The following PHACTR1 variants were observed in gnomAD, a reference collection of about 807,000 sequenced individuals.
PHACTR1 encodes the protein phosphatase and actin regulator 1, also known as RPEL repeat containing 1.
Under a neutral mutation model 69.2 loss-of-function variants are expected in PHACTR1, and 16 were observed. The ratio of observed to expected loss-of-function variants is 0.23; its 90% CI spans 0.16 to 0.35. The LOEUF (loss-of-function observed/expected upper bound fraction) is 0.35, where lower values mean the gene tolerates loss of function less well. Ranked by LOEUF, PHACTR1 falls within the 10% of genes least tolerant of loss-of-function variation. The probability of loss-of-function intolerance (pLI) is 1.00; values close to 1 mark genes in which losing one functional copy is unlikely to be tolerated. For missense variants in PHACTR1, 510 were observed against 734.7 expected (o/e 0.69, Z 3.54); for synonymous variants, 312 against 284.5 (o/e 1.10, Z -0.97).
At position 13,190,937 on chromosome 6, in the gene PHACTR1, A is replaced by G. The variant is rs1429998528; in HGVS notation, c.664+8251A>G. Reference sequence around the variant, plus strand: ...GCCCCAGCATGTGTACCTGTGTAACAAGAATCCTCTCTCCATGCTTGACCA... The same window carrying G: ...GCCCCAGCATGTGTACCTGTGTAACGAGAATCCTCTCTCCATGCTTGACCA... On this transcript the variant is annotated intron_variant, in intron 7 of 14. Coordinates refer to ENST00000332995, the MANE Select transcript of PHACTR1 (RefSeq NM_030948.6). Among the ~76,000 whole-genome samples the G allele has an allele frequency of 2.0e-5, 3 of 152,162 alleles. No homozygotes were observed. The East Asian group carries it at 5.8e-4, about 29-fold the overall frequency.
At chr6:13,082,686 C>T (rs1811587422) in intron 5 of PHACTR1, among the ~76,000 whole-genome samples, 1 of 152,188 alleles carries the variant, frequency 6.6e-6, no homozygotes. Context: ...ATTTGCATTT[C>T]TCTGATGGCC....
chr6:12,823,729 G>A (rs543025276), intron 4 of PHACTR1, among the ~76,000 whole-genome samples: 2 of 152,224 alleles, frequency 1.3e-5, no homozygotes, highest in South Asian at 4.2e-4. Context: ...TTGTCGGTTG[G>A]TCTGTTTTTA....
chr6:12,908,999 G>T (rs1199584843), intron 4 of PHACTR1, among the ~76,000 whole-genome samples: 1 of 152,152 alleles, frequency 6.6e-6, no homozygotes, highest in Non-Finnish European at 1.5e-5. Flanking sequence ...GGAGACGGTG[G>T]GGGGAAACAG....
chr6:13,001,700 C>T (rs1798113432), intron 4 of PHACTR1, among the ~76,000 whole-genome samples: 1 of 152,208 alleles, frequency 6.6e-6, no homozygotes, highest in South Asian at 2.1e-4. Context: ...TAGTGTGCCC[C>T]CCACTTTGGG....
chr6:13,158,713 G>C (rs1474667062), intron 5 of PHACTR1, among the ~76,000 whole-genome samples: 1 of 152,208 alleles, frequency 6.6e-6, no homozygotes, highest in Non-Finnish European at 1.5e-5. Flanking sequence ...TGAGGCATCA[G>C]TGTTTTCCCA....
intron 8 of PHACTR1, among the ~76,000 whole-genome samples, chr6:13,206,952 A>G (rs1453045306): frequency 1.3e-5 from 2 of 152,058 alleles, no homozygotes; most frequent in Non-Finnish European, 2.9e-5. Context: ...TTTCTCATCA[A>G]TGTTATGGCA....
chr6:13,276,370 T>C (rs117333820), intron 11 of PHACTR1, among the ~76,000 whole-genome samples: 1 of 152,218 alleles, frequency 6.6e-6, no homozygotes, highest in African/African-American at 2.4e-5. Flanking sequence ...GCTCTGACCT[T>C]ACACCACTTG....
chr6:13,128,077 A>C (rs1470583607), intron 5 of PHACTR1, among the ~76,000 whole-genome samples: 2 of 150,098 alleles, frequency 1.3e-5, no homozygotes, highest in Admixed American at 1.3e-4. Context: ...GTCACTTGCT[A>C]TCATGAGAAC....
At chr6:12,754,619 A>C (rs560460041) in intron 4 of PHACTR1, among the ~76,000 whole-genome samples, 3 of 152,342 alleles carry the variant, frequency 2.0e-5, no homozygotes, top group Non-Finnish European at 4.4e-5. Flanking sequence ...AGATGGTACC[A>C]GTGAAGATCA....
intron 6 of PHACTR1, among the ~76,000 whole-genome samples, chr6:13,168,749 G>A (rs1236738301): frequency 1.3e-5 from 2 of 152,204 alleles, no homozygotes. Flanking sequence ...GTAAGGGAAT[G>A]TTACAAGCTG....
At chr6:12,863,825 G>A (rs1781170122) in intron 4 of PHACTR1, among the ~76,000 whole-genome samples, 1 of 152,116 alleles carries the variant, frequency 6.6e-6, no homozygotes, top group Non-Finnish European at 1.5e-5. Flanking sequence ...AAAGGCCCAG[G>A]TGATTTTTGT....
chr6:12,927,972 A>G (rs537071444), intron 4 of PHACTR1, among the ~76,000 whole-genome samples: 1 of 152,320 alleles, frequency 6.6e-6, no homozygotes, highest in African/African-American at 2.4e-5. Context: ...CTCTGCCACC[A>G]GCATTGTTTC....
intron 5 of PHACTR1, among the ~76,000 whole-genome samples, chr6:13,149,144 A>T (rs1823907677): frequency 6.6e-6 from 1 of 152,112 alleles, no homozygotes; most frequent in Non-Finnish European, 1.5e-5. Context: ...GTGCCTTTTT[A>T]CAACAGAACA....
intron 4 of PHACTR1, among the ~76,000 whole-genome samples, chr6:13,018,108 G>A (rs1222221031): frequency 1.3e-5 from 2 of 152,166 alleles, no homozygotes; most frequent in Non-Finnish European, 2.9e-5. Flanking sequence ...ATAACAATTT[G>A]TCATACTAAT....
At chr6:12,878,370 A>G (rs1782751921) in intron 4 of PHACTR1, among the ~76,000 whole-genome samples, 1 of 152,276 alleles carries the variant, frequency 6.6e-6, no homozygotes, top group Non-Finnish European at 1.5e-5. Context: ...CCAGGGGCTT[A>G]CAATCCCCAG....
intron 4 of PHACTR1, among the ~76,000 whole-genome samples, chr6:13,038,233 C>T (rs1377930367): frequency 6.6e-6 from 1 of 152,038 alleles, no homozygotes; most frequent in Non-Finnish European, 1.5e-5. Flanking sequence ...AAAAACTTGG[C>T]TGGTGTTACA....
At chr6:13,257,666 T>G (rs1362070480) in intron 10 of PHACTR1, among the ~76,000 whole-genome samples, 2 of 152,178 alleles carry the variant, frequency 1.3e-5, no homozygotes, top group African/African-American at 4.8e-5. Flanking sequence ...GCGCATGCTA[T>G]TTCTTTCCTT....
intron 10 of PHACTR1, among the ~76,000 whole-genome samples, chr6:13,234,713 G>A (rs1484071700): frequency 5.3e-5 from 8 of 152,276 alleles, no homozygotes; most frequent in African/African-American, 1.9e-4. Flanking sequence ...AGGCTATTGG[G>A]CAGACTCTAC....
intron 5 of PHACTR1, among the ~76,000 whole-genome samples, chr6:13,131,930 A>C (rs902271124): frequency 6.6e-6 from 1 of 152,244 alleles, no homozygotes; most frequent in Admixed American, 6.5e-5. Context: ...CTCAGCTGTC[A>C]TTCAAAATCT....
Sources: gnomAD v4.1 joint callset for allele counts (sites outside exome capture counted in the v4.1 genomes callset) on GRCh38, gnomAD v4.1.1 for gene constraint, MANE v1.5 for transcripts, NCBI Gene and HGNC (gene_info 2026-07-23, HGNC 2026-07-21) for gene names.